Variants in CENPC observed in about 807,000 individuals in gnomAD.
The protein encoded by CENPC is centromere protein C, also known as CENP-C 1.
A neutral mutation model predicts 112.1 loss-of-function variants in CENPC; 63 were observed. The observed-to-expected ratio is 0.56, with a 90% CI of 0.46 to 0.69. The LOEUF (loss-of-function observed/expected upper bound fraction) is 0.69, where lower values mean the gene tolerates loss of function less well. CENPC is among the 30% of genes least tolerant of loss of function. The pLI is 0.00. For missense variants in CENPC, 1,000 were observed against 1,103.8 expected (o/e 0.91, Z 1.33); for synonymous variants, 333 against 367.6 (o/e 0.91, Z 1.08).
intron 1 of CENPC, 44 bp from the exon 2 acceptor site, chr4:67,544,239 G>A: frequency 9.2e-7 from 1 of 1,092,024 alleles, no homozygotes; most frequent in Non-Finnish European, 1.4e-6. Flanking sequence ...TTAAGATAGA[G>A]TCGAGTAAAA....
At chr4:67,490,333 T>C (rs1017822915) in intron 16 of CENPC, among the ~76,000 whole-genome samples, 1 of 152,282 alleles carries the variant, frequency 6.6e-6, no homozygotes, top group East Asian at 1.9e-4. Flanking sequence ...ACTTAAGCTC[T>C]CTCTCACTGT....
At chr4:67,530,304 G>A (rs1173106054) in intron 5 of CENPC, among the ~76,000 whole-genome samples, 1 of 152,098 alleles carries the variant, frequency 6.6e-6, no homozygotes, top group African/African-American at 2.4e-5. Context: ...GAATGGGCAA[G>A]AACGTAGAAT....
In CENPC at chr4:67,519,277, A is replaced by G. The variant is rs1726150899; in HGVS notation, c.557T>C (p.Phe186Ser). 1 of 1,606,568 alleles carries G rather than the reference A, an allele frequency of 6.2e-7. No homozygotes were observed. The highest frequency in any genetic ancestry group is 1.1e-5 in the South Asian group (1 of 89,896). The change falls in exon 6 of 19, where the codon TTT (phenylalanine) becomes TCT (serine). Residue 186 changes from phenylalanine to serine, a missense_variant. Phe to Ser is a radical substitution (Grantham distance 155). Transcript: ENST00000273853. ...AGGCAGCATATTTACTGAATTTTCA[A>G]AAGTGTAAGTCTCTCTCTTTTGGGC... ...SSAQKRETYT[F>S]ENSVNMLPSS...
rs773442669 is a variant in CENPC, at chr4:67,506,848, T to C, written c.1991A>G (p.Asn664Ser). 4.3e-6 allele frequency: 7 copies of C among 1,612,316 alleles called. No homozygotes were observed. The highest frequency in any genetic ancestry group is 2.2e-5 in the South Asian group (2 of 90,952). Reference sequence around the variant, plus strand: ...ATCCAAGTTTGACTCTGTTGGTATATTACATGTATATCCACTGGTCTGAGG... The same window carrying C: ...ATCCAAGTTTGACTCTGTTGGTATACTACATGTATATCCACTGGTCTGAGG... ...LKPQTSGYTC[N>S]IPTESNLDSG... Residue 664 changes from asparagine (N) to serine (S), a missense_variant, in exon 11 of 19, where the codon AAT becomes AGT. Physicochemically the swap from Asn to Ser is conservative, Grantham distance 46. Coordinates refer to ENST00000273853, the MANE Select transcript of CENPC (RefSeq NM_001812.4).
At chr4:67,518,065 T>A (rs995510599) in intron 7 of CENPC, 91 bp downstream of exon 7, 2 of 682,600 alleles carry the variant, frequency 2.9e-6, no homozygotes, top group Non-Finnish European at 4.4e-6. Context: ...AAATTACTTA[T>A]TTCTAAGTTA....
At chr4:67,504,395 A>T (rs1252456648) in intron 12 of CENPC, among the ~76,000 whole-genome samples, 1 of 152,174 alleles carries the variant, frequency 6.6e-6, no homozygotes, top group Admixed American at 6.6e-5. Flanking sequence ...GGGAAAAATT[A>T]AAAAGTTAAA....
chr4:67,530,713 G>T, intron 5 of CENPC, 102 bp downstream of exon 5: 1 of 503,330 alleles, frequency 2.0e-6, no homozygotes. Context: ...ATTCTGTCTA[G>T]GCTGACCCTG....
At chr4:67,490,406 C>T (rs1725208013) in intron 16 of CENPC, among the ~76,000 whole-genome samples, 1 of 152,062 alleles carries the variant, frequency 6.6e-6, no homozygotes, top group African/African-American at 2.4e-5. Flanking sequence ...TATTAATGAG[C>T]TGCTGTGAAT....
intron 12 of CENPC, among the ~76,000 whole-genome samples, chr4:67,504,796 T>C (rs1237575924): frequency 3.3e-5 from 5 of 151,818 alleles, no homozygotes; most frequent in African/African-American, 1.2e-4. Context: ...CACTCCAGCC[T>C]GGGAGACAGA....
In CENPC at chr4:67,539,917, T is replaced by G. The variant is rs1726838154; in HGVS notation, c.154A>C (p.Ser52Arg). The G allele has an allele frequency of 6.6e-7, 1 of 1,522,002 alleles. No individual in the cohort carries two copies. Among genetic ancestry groups the G allele is most frequent in the Non-Finnish European group, 8.8e-7 (1 of 1,137,158 alleles). 94.3% of individuals were successfully genotyped at this position (1,522,002 alleles called of 1,614,324 possible). ...FEEKSLANDF[S>R]TNSTKSVPNS... ...GGCACTGATTTTGTAGAATTTGTAC[T>G]AAAATCATTGGCAAGACCTAAAACA... Residue 52 changes from serine (S) to arginine (R), a missense_variant, in exon 4 of 19, where the codon AGT becomes CGT. By Grantham distance (110) the Ser-to-Arg change is moderately radical. Coordinates refer to ENST00000273853, the MANE Select transcript of CENPC (RefSeq NM_001812.4).
chr4:67,478,158 T>A (rs1724857247), intron 17 of CENPC, among the ~76,000 whole-genome samples: 1 of 152,202 alleles, frequency 6.6e-6, no homozygotes, highest in Non-Finnish European at 1.5e-5. Flanking sequence ...TCCCTGGCCT[T>A]GCTAGCAATC....
In CENPC at chr4:67,541,004, A is replaced by G; in HGVS notation, c.112T>C (p.Leu38=). 1 of 1,609,738 alleles carries G rather than the reference A, an allele frequency of 6.2e-7. No individual in the cohort carries two copies. Among genetic ancestry groups the G allele is most frequent in the Non-Finnish European group, 8.5e-7 (1 of 1,177,898 alleles). ...TEQGQNVLEI[L]QDCFEEKSLA... is the part of the protein sequence containing the mutation. ...CTTTTTTCTTCAAAACAGTCTTGTA[A>G]GATTTCCAGAACATTCTGGCCTTGC... Residue 38 remains leucine, a synonymous_variant, in exon 3 of 19, where the codon TTA becomes CTA. Transcript: ENST00000273853.
chr4:67,531,737 G>A (rs1363548657), intron 4 of CENPC, among the ~76,000 whole-genome samples: 3 of 152,142 alleles, frequency 2.0e-5, no homozygotes, highest in Non-Finnish European at 4.4e-5. Flanking sequence ...ATGGCCCCTT[G>A]AGGAACACAG....
In CENPC at chr4:67,469,132, A is replaced by G. The variant is rs1724585627; in HGVS notation, c.*3473T>C. 1 of 152,198 alleles carries G rather than the reference A, an allele frequency of 6.6e-6. No homozygotes were observed. 9.4% of individuals were successfully genotyped at this position (152,198 alleles called of 1,614,324 possible). On this transcript the variant is annotated 3_prime_UTR_variant, in exon 19 of 19. Coordinates refer to ENST00000273853, the MANE Select transcript of CENPC (RefSeq NM_001812.4). ...TGTAAGTAACCATTGGAAGAAATTA[A>G]AGACACATGCATCCATGTGGTAAGT...
chr4:67,474,315 T>C (rs1724747399), intron 18 of CENPC, among the ~76,000 whole-genome samples: 1 of 152,160 alleles, frequency 6.6e-6, no homozygotes, highest in Non-Finnish European at 1.5e-5. Flanking sequence ...TTTGCCCACT[T>C]TGGCCTCCTA....
At chr4:67,497,369 C>T (rs1488905528) in intron 12 of CENPC, among the ~76,000 whole-genome samples, 2 of 151,972 alleles carry the variant, frequency 1.3e-5, no homozygotes, top group African/African-American at 4.8e-5. Flanking sequence ...CAGAGGGACA[C>T]TCCGTCTTAA....
At chr4:67,522,612 A>C (rs565143520) in intron 5 of CENPC, among the ~76,000 whole-genome samples, 1 of 152,344 alleles carries the variant, frequency 6.6e-6, no homozygotes, top group African/African-American at 2.4e-5. Context: ...AATCATGGAA[A>C]TCACATGTAT....
intron 4 of CENPC, among the ~76,000 whole-genome samples, chr4:67,539,335 T>G (rs1359089442): frequency 6.6e-6 from 1 of 152,198 alleles, no homozygotes; most frequent in African/African-American, 2.4e-5. Flanking sequence ...ATTTTTCTAA[T>G]TAGTATTGTG....
At chr4:67,496,759 T>G (rs1305853332) in intron 12 of CENPC, among the ~76,000 whole-genome samples, 1 of 152,150 alleles carries the variant, frequency 6.6e-6, no homozygotes, top group Non-Finnish European at 1.5e-5. Context: ...GGTTTCTTTT[T>G]GGGGGTTATG....
Sources: gnomAD v4.1 joint callset for allele counts (sites outside exome capture counted in the v4.1 genomes callset) on GRCh38, gnomAD v4.1.1 for gene constraint, MANE v1.5 for transcripts, NCBI Gene and HGNC (gene_info 2026-07-23, HGNC 2026-07-21) for gene names.